MACROD2: variants seen among roughly 807,000 people sequenced by gnomAD.
MACROD2 encodes the protein mono-ADP ribosylhydrolase 2.
A neutral mutation model predicts 70.4 loss-of-function variants in MACROD2; 36 were observed. That is an observed-to-expected ratio of 0.51 (90% CI 0.39 to 0.68). The LOEUF is 0.68. Among genes scored for constraint, MACROD2 ranks in the 30% least tolerant of loss-of-function variants. MACROD2 has a pLI of 0.00. For missense variants in MACROD2, 496 were observed against 538.4 expected, an observed-to-expected ratio of 0.92 and a Z score of 0.78; for synonymous variants, 172 against 178.8, an observed-to-expected ratio of 0.96 and a Z score of 0.30.
At chr20:14,151,395 A>G (rs774573522) in intron 3 of MACROD2, among the ~76,000 whole-genome samples, 1 of 152,272 alleles carries the variant, frequency 6.6e-6, no homozygotes, top group East Asian at 1.9e-4. Context: ...TCTACTACAG[A>G]AGGTCCATAG....
intron 12 of MACROD2, among the ~76,000 whole-genome samples, chr20:15,941,382 T>C (rs1165347475): frequency 6.6e-6 from 1 of 152,172 alleles, no homozygotes; most frequent in Non-Finnish European, 1.5e-5. Context: ...TGAAATAGCA[T>C]GTATAGAAAA....
At chr20:14,083,656 A>T (rs1228568399) in intron 2 of MACROD2, among the ~76,000 whole-genome samples, 1 of 152,096 alleles carries the variant, frequency 6.6e-6, no homozygotes, top group Non-Finnish European at 1.5e-5. Context: ...AGTCCCTGAG[A>T]GGTCAACTCA....
intron 12 of MACROD2, among the ~76,000 whole-genome samples, chr20:15,942,839 C>T (rs2065768991): frequency 1.3e-5 from 2 of 152,160 alleles, no homozygotes; most frequent in South Asian, 4.1e-4. Flanking sequence ...TTAAACTCGT[C>T]TTAATCCACC....
Position 14,587,442 on chromosome 20 carries a change from G to A in MACROD2, c.301+93934G>A, listed in dbSNP as rs182869292. 5.5e-3 allele frequency among the ~76,000 whole-genome samples: 832 copies of A among 151,750 alleles called. 9 individuals carry two copies. The highest frequency in any genetic ancestry group is 0.019 in the African/African-American group (778 of 41,482). Reference sequence around the variant, plus strand: ...TAGAATTGAGTTGTTTTATATAGCAGCATATCACTAAATAGGCATTCTTAG... The same window carrying A: ...TAGAATTGAGTTGTTTTATATAGCAACATATCACTAAATAGGCATTCTTAG... On this transcript the variant is annotated intron_variant, in intron 4 of 17. Coordinates refer to ENST00000684519, the MANE Select transcript of MACROD2 (RefSeq NM_001351661.2).
At chr20:14,455,176 C>A (rs993281944) in intron 3 of MACROD2, among the ~76,000 whole-genome samples, 6 of 151,864 alleles carry the variant, frequency 4.0e-5, no homozygotes, top group African/African-American at 7.3e-5. Flanking sequence ...ATTAACACCT[C>A]AGCTATTAAA....
At chr20:15,010,030 T>C (rs143685142) in intron 5 of MACROD2, among the ~76,000 whole-genome samples, 82 of 152,218 alleles carry the variant, frequency 5.4e-4, no homozygotes, top group African/African-American at 1.9e-3. Context: ...GCTCAAACAT[T>C]TATAACTCCA....
intron 6 of MACROD2, among the ~76,000 whole-genome samples, chr20:15,272,941 G>T (rs1161989679): frequency 6.6e-6 from 1 of 152,106 alleles, no homozygotes; most frequent in African/African-American, 2.4e-5. Context: ...CTTTTGGCAG[G>T]AAGAATTACG....
intron 5 of MACROD2, among the ~76,000 whole-genome samples, chr20:14,870,837 C>A (rs1233196164): frequency 6.6e-6 from 1 of 152,044 alleles, no homozygotes; most frequent in Admixed American, 6.5e-5. Context: ...CTTATAGATG[C>A]TGGATATTAG....
intron 10 of MACROD2, among the ~76,000 whole-genome samples, chr20:15,930,911 T>C (rs1252130716): frequency 6.6e-6 from 1 of 152,234 alleles, no homozygotes; most frequent in Non-Finnish European, 1.5e-5. Flanking sequence ...ACTGCTGTTT[T>C]TCTTTCCCTT....
chr20:14,226,366 G>GCTCGCTCTCGGCGCCTCCT (rs1322788543), intron 3 of MACROD2, among the ~76,000 whole-genome samples: 1 of 152,216 alleles, frequency 6.6e-6, no homozygotes, highest in Non-Finnish European at 1.5e-5. Context: ...CACAGCCTTC[G>GCTCGCTCTCGGCGCCTCCT]CTCGCTCTCG....
At chr20:14,157,587 C>T (rs2055121011) in intron 3 of MACROD2, among the ~76,000 whole-genome samples, 1 of 152,078 alleles carries the variant, frequency 6.6e-6, no homozygotes, top group South Asian at 2.1e-4. Flanking sequence ...GGTATCTTAT[C>T]ACTTTACTCT....
At chr20:15,396,303 G>T (rs1600348754) in intron 6 of MACROD2, among the ~76,000 whole-genome samples, 1 of 152,176 alleles carries the variant, frequency 6.6e-6, no homozygotes, top group East Asian at 1.9e-4. Context: ...CTCCCTAGTA[G>T]CTCTATGAGT....
In MACROD2 at chr20:15,021,179, G is replaced by C. The variant is rs1284882922; in HGVS notation, c.419-208761G>C. On this transcript the variant is annotated intron_variant, in intron 5 of 17. Transcript: ENST00000684519. ...ACCTGTGTGTATGTATACACATACAGGTGTGCGTATACACACACCTGTGTG... is the reference window on the plus strand; with the variant it reads ...ACCTGTGTGTATGTATACACATACACGTGTGCGTATACACACACCTGTGTG... Among the ~76,000 whole-genome samples, 3 of 85,090 alleles carry C rather than the reference G, an allele frequency of 3.5e-5. 1 individual carries two copies. Among genetic ancestry groups the C allele is most frequent in the African/African-American group, 1.4e-4 (3 of 20,944 alleles). The allele number at this position is 85,090 out of a possible 152,430, so 55.8% of individuals were successfully genotyped here.
intron 8 of MACROD2, among the ~76,000 whole-genome samples, chr20:15,558,869 A>G (rs2048203624): frequency 6.6e-6 from 1 of 152,180 alleles, no homozygotes; most frequent in South Asian, 2.1e-4. Flanking sequence ...GATTAGTTTA[A>G]GTGACTATCA....
intron 15 of MACROD2, among the ~76,000 whole-genome samples, chr20:16,016,807 C>A (rs1169380454): frequency 6.6e-6 from 1 of 152,160 alleles, no homozygotes; most frequent in Non-Finnish European, 1.5e-5. Context: ...TTCTTAGTCT[C>A]CTTCATCTGA....
At chr20:15,709,709 TAC>T (rs978592503) in intron 8 of MACROD2, among the ~76,000 whole-genome samples, 1 of 152,142 alleles carries the variant, frequency 6.6e-6, no homozygotes, top group Non-Finnish European at 1.5e-5. Flanking sequence ...ATGAGGTATG[TAC>T]AGAGTTTTAA....
rs116273541 is a variant in MACROD2 at position 14,774,382 on chromosome 20, A to G, written c.418+89423A>G. On this transcript the variant is annotated intron_variant, in intron 5 of 17. Transcript: ENST00000684519. ...TCAGGATATCTGCTTTTTAATTGCC[A>G]TATTCAAGGTCTAATTATTTTCTCT... is the stretch of plus-strand genomic sequence containing the variant. Among the ~76,000 whole-genome samples the G allele has an allele frequency of 8.3e-3, 1,258 of 152,170 alleles. 33 individuals are homozygous for G. Among genetic ancestry groups the G allele is most frequent in the African/African-American group, 0.028 (1,176 of 41,488 alleles).
intron 3 of MACROD2, among the ~76,000 whole-genome samples, chr20:14,465,801 T>G (rs2084438786): frequency 6.6e-6 from 1 of 152,088 alleles, no homozygotes; most frequent in East Asian, 1.9e-4. Context: ...GAAGCTTAGT[T>G]TGGCTGGATA....
chr20:15,718,355 T>C (rs1014168427), intron 8 of MACROD2, among the ~76,000 whole-genome samples: 1 of 152,228 alleles, frequency 6.6e-6, no homozygotes, highest in Non-Finnish European at 1.5e-5. Context: ...CATAAAAATA[T>C]AGCTTAATTT....
Sources: gnomAD v4.1 joint callset for allele counts (sites outside exome capture counted in the v4.1 genomes callset) on GRCh38, gnomAD v4.1.1 for gene constraint, MANE v1.5 for transcripts, NCBI Gene and HGNC (gene_info 2026-07-23, HGNC 2026-07-21) for gene names.